SGK1: variants seen among roughly 807,000 people sequenced by gnomAD.
SGK1 encodes serine/threonine-protein kinase Sgk1.
A neutral mutation model predicts 64.2 loss-of-function variants in SGK1; 26 were observed. The ratio of observed to expected loss-of-function variants is 0.40; its 90% confidence interval spans 0.30 to 0.56. The LOEUF (loss-of-function observed/expected upper bound fraction) is 0.56, where lower values mean the gene tolerates loss of function less well. SGK1 is among the 20% of genes least tolerant of loss of function. The pLI, the probability that SGK1 is intolerant of heterozygous loss-of-function variation, is 0.38. For synonymous variants in SGK1, 265 were observed against 239.7 expected, an observed-to-expected ratio of 1.11 and a Z score of -0.98; for missense variants, 519 against 645.6, an observed-to-expected ratio of 0.80 and a Z score of 2.12.
At position 134,282,522 on chromosome 6, in the gene SGK1, G is replaced by A. The variant is rs527906834; in HGVS notation, c.70-20374C>T. On this transcript the variant is annotated intron_variant, in intron 1 of 13. Transcript: ENST00000367858. ...CAAAAAATTAGCTGGGCATGGTGGC[G>A]CACACCTGTAATTCCAGCTACTCGG... 3.4e-5 allele frequency among the ~76,000 whole-genome samples: 5 copies of A among 149,172 alleles called. 1 individual carries two copies. The highest frequency in any genetic ancestry group is 2.1e-4 in the South Asian group (1 of 4,804).
chr6:134,315,224 A>T (rs1777661041), intron 1 of SGK1, among the ~76,000 whole-genome samples: 1 of 152,144 alleles, frequency 6.6e-6, no homozygotes, highest in Admixed American at 6.5e-5. Context: ...AAAATCAAAG[A>T]ATTTATCCCT....
At chr6:134,288,925 C>T (rs1777223594) in intron 1 of SGK1, among the ~76,000 whole-genome samples, 1 of 152,208 alleles carries the variant, frequency 6.6e-6, no homozygotes, top group Non-Finnish European at 1.5e-5. Flanking sequence ...GCTATAGCAA[C>T]AGATGCTAAC....
chr6:134,300,885 C>G lies in SGK1; in HGVS notation c.69+16507G>C, dbSNP rs971759701. On this transcript the variant is annotated intron_variant, in intron 1 of 13. Transcript: ENST00000367858. ...CTGACCTCGGGTGATCTACCCGCCT[C>G]GGCCTCCCAAAGTGGTAGGATTACA... Among the ~76,000 whole-genome samples the G allele has an allele frequency of 2.0e-5, 3 of 152,000 alleles. No homozygotes were observed. The South Asian group carries it at 6.2e-4, about 32-fold the overall frequency.
intron 2 of SGK1, among the ~76,000 whole-genome samples, chr6:134,244,502 A>G (rs561336688): frequency 7.2e-5 from 11 of 152,280 alleles, no homozygotes; most frequent in Admixed American, 7.2e-4. Flanking sequence ...AAAGCATAGT[A>G]TCTGGGCTGG....
intron 2 of SGK1, among the ~76,000 whole-genome samples, chr6:134,234,599 C>T (rs186034393): frequency 5.6e-4 from 85 of 152,178 alleles, no homozygotes; most frequent in Non-Finnish European, 1.1e-3. Flanking sequence ...ATTGGAGGGC[C>T]GGGTGTGGTG....
intron 2 of SGK1, among the ~76,000 whole-genome samples, chr6:134,249,112 G>T (rs753901131): frequency 7.2e-5 from 11 of 152,090 alleles, no homozygotes; most frequent in Non-Finnish European, 1.2e-4. Context: ...CGTATTGTAC[G>T]AAATCTCAAG....
In SGK1 at chr6:134,317,606, C is replaced by G; in HGVS notation, c.-146G>C. The G allele has an allele frequency of 1.5e-6, 1 of 684,612 alleles. No individual in the cohort carries two copies. Among genetic ancestry groups the G allele is most frequent in the Non-Finnish European group, 2.7e-6 (1 of 373,434 alleles). The allele number at this position is 684,612 out of a possible 1,614,324, so 42.4% of individuals were successfully genotyped here. ...CTAGCGGGGCTCAGTTCTTCACTCG[C>G]GCATTCTGCAGCACCAGCTACTGCA... On this transcript the variant is annotated 5_prime_UTR_variant, in exon 1 of 14. Coordinates refer to ENST00000367858, the MANE Select transcript of SGK1 (RefSeq NM_001143676.3).
intron 3 of SGK1, among the ~76,000 whole-genome samples, chr6:134,206,369 ATATATATATATATATT>A (rs1414801644): frequency 6.6e-3 from 49 of 7,416 alleles, no homozygotes; most frequent in Admixed American, 0.035. Flanking sequence ...ATATATATAT[ATATATATATATATATT>A]TTTTTTTTTT....
chr6:134,234,038 T>C lies in SGK1; in HGVS notation c.286-26607A>G, dbSNP rs181724844. 1.7e-4 allele frequency among the ~76,000 whole-genome samples: 26 copies of C among 152,300 alleles called. No individual in the cohort carries two copies. In the East Asian group the frequency reaches 4.8e-3, roughly 28 times the overall value. ...GACACCCTTTTCTGAAACCAAGCAG[T>C]TGTATTCAAAACAAGTCCAAATTTA... On this transcript the variant is annotated intron_variant, in intron 2 of 13. Coordinates refer to ENST00000367858, the MANE Select transcript of SGK1 (RefSeq NM_001143676.3).
intron 3 of SGK1, among the ~76,000 whole-genome samples, chr6:134,183,503 T>C (rs1228181696): frequency 6.6e-6 from 1 of 152,236 alleles, no homozygotes; most frequent in Non-Finnish European, 1.5e-5. Flanking sequence ...ATGGGCAGCG[T>C]TGCTGTACTC....
In SGK1 at chr6:134,171,100, T is replaced by C. The variant is rs1406438851; in HGVS notation, c.1246A>G (p.Thr416Ala). 2 of 1,614,122 alleles carry C rather than the reference T, an allele frequency of 1.2e-6. No homozygotes were observed. ...TCCAGGAGGTGTCTTGCGGAATTTG[T>C]AATATTTGGTTTCAGCTGGAGAGGC... ...NKPLQLKPNITNSARHLLEGL... is the reference protein window; with the variant it reads ...NKPLQLKPNIANSARHLLEGL... Residue 416 changes from threonine (T) to alanine (A), a missense_variant, in exon 12 of 14, where the codon ACA (threonine) becomes GCA (alanine). This residue lies in a region of SGK1 where 278 missense variants were observed against 408.7 expected (regional missense o/e 0.68). Transcript: ENST00000367858.
At chr6:134,232,481 A>AAGAG (rs1467807574) in intron 2 of SGK1, among the ~76,000 whole-genome samples, 1 of 142,790 alleles carries the variant, frequency 7.0e-6, no homozygotes, top group Admixed American at 6.9e-5. Flanking sequence ...GAAAGAAAGA[A>AAGAG]AGAGAAAGAA....
In SGK1 at chr6:134,317,570, G is replaced by C. The variant is rs1777705884; in HGVS notation, c.-110C>G. ...GCAGACAGTTAATGAAGACTGAGCG[G>C]GATGGAGAATCTAGCGGGGCTCAGT... On this transcript the variant is annotated 5_prime_UTR_variant, in exon 1 of 14. Coordinates refer to ENST00000367858, the MANE Select transcript of SGK1 (RefSeq NM_001143676.3). 6 of 763,896 alleles carry C rather than the reference G, an allele frequency of 7.9e-6. No homozygotes were observed. The South Asian group carries it at 8.6e-5, about 11-fold the overall frequency. The allele number at this position is 763,896 out of a possible 1,614,324, so 47.3% of individuals were successfully genotyped here. A position where few individuals can be genotyped will look rare whatever the true frequency, so the allele number is the denominator to read the frequency against.
At chr6:134,184,509 A>C (rs1277518594) in intron 3 of SGK1, among the ~76,000 whole-genome samples, 2 of 149,256 alleles carry the variant, frequency 1.3e-5, no homozygotes, top group African/African-American at 4.9e-5. Context: ...CATCTCAAAA[A>C]AAAAAAAAAA....
chr6:134,184,428 G>A (rs577087909), intron 3 of SGK1, among the ~76,000 whole-genome samples: 130 of 145,810 alleles, frequency 8.9e-4, no homozygotes, highest in African/African-American at 2.9e-3. Flanking sequence ...TTGCTTGAAC[G>A]CAGGAGGCAG....
chr6:134,192,316 A>C (rs1446047518), intron 3 of SGK1, among the ~76,000 whole-genome samples: 1 of 152,040 alleles, frequency 6.6e-6, no homozygotes, highest in African/African-American at 2.4e-5. Flanking sequence ...CGCTCATTTA[A>C]GAGGAAAGGT....
At chr6:134,198,054 G>T (rs969278783) in intron 3 of SGK1, among the ~76,000 whole-genome samples, 3 of 152,114 alleles carry the variant, frequency 2.0e-5, no homozygotes, top group Admixed American at 1.3e-4. Context: ...GAGGTGGAGG[G>T]TATACAAGAT....
chr6:134,278,794 T>C (rs79382400), intron 1 of SGK1, among the ~76,000 whole-genome samples: 1,752 of 152,166 alleles, frequency 0.012, 35 homozygotes, highest in African/African-American at 0.04. Context: ...ATTGGAAATG[T>C]TCAAAGATCC....
intron 2 of SGK1, among the ~76,000 whole-genome samples, chr6:134,208,613 G>A (rs1450198075): frequency 1.3e-5 from 2 of 151,992 alleles, no homozygotes; most frequent in Non-Finnish European, 2.9e-5. Flanking sequence ...TCCCACTTAT[G>A]AGTGAGAACA....
Sources: allele counts gnomAD v4.1 joint callset (sites outside exome capture counted in the v4.1 genomes callset), GRCh38; gene constraint gnomAD v4.1.1; regional missense constraint gnomAD v4.1.1; transcripts MANE v1.5; gene names NCBI Gene and HGNC (gene_info 2026-07-23, HGNC 2026-07-21).